The following CELSR1 variants were observed in gnomAD, a reference collection of about 807,000 sequenced individuals.
CELSR1 encodes the protein cadherin EGF LAG seven-pass G-type receptor 1.
Under a neutral mutation model 249.1 loss-of-function variants are expected in CELSR1, and 110 were observed. That is an observed-to-expected ratio of 0.44 (90% CI 0.38 to 0.52). The LOEUF is 0.52. CELSR1 is among the 20% of genes least tolerant of loss of function. CELSR1 has a pLI of 0.00. For synonymous variants in CELSR1, 2,113 were observed against 1,900.0 expected (o/e 1.11, Z -2.92); for missense variants, 4,109 against 4,296.4 (o/e 0.96, Z 1.22).
rs1372602838 is a variant in CELSR1, at chr22:46,490,347, C to T, written c.3545-26002G>A. On this transcript the variant is annotated intron_variant, in intron 1 of 34. Coordinates refer to ENST00000674500, the MANE Select transcript of CELSR1 (RefSeq NM_001378328.1). The surrounding 1 kb of genome is among the most constrained non-coding windows in gnomAD (Gnocchi z 5.2). ...TGCCACCCAGGCTGGAGTACAGCGG[C>T]GCAATCTTGGCTCACTCCAACCTCC... Among the ~76,000 whole-genome samples, 3 of 152,086 alleles carry T rather than the reference C, an allele frequency of 2.0e-5. No homozygotes were observed. The highest frequency in any genetic ancestry group is 1.9e-4 in the East Asian group (1 of 5,184).
chr22:46,464,367 G>C lies in CELSR1; in HGVS notation c.3545-22C>G. The C allele has an allele frequency of 6.3e-7, 1 of 1,598,492 alleles. No homozygotes were observed. Among genetic ancestry groups the C allele is most frequent in the African/African-American group, 1.3e-5 (1 of 74,788 alleles). On this transcript the variant is annotated intron_variant, in intron 1 of 34. Transcript: ENST00000674500. The surrounding 1 kb of genome is among the most constrained non-coding windows in gnomAD (Gnocchi z 8.5). ...CCATCTGCAGACACAAGGAAAGTCAGGGTCATTCAGATGCTGCGGGAGTCA... is the reference window on the plus strand; with the variant it reads ...CCATCTGCAGACACAAGGAAAGTCACGGTCATTCAGATGCTGCGGGAGTCA...
intron 5 of CELSR1, among the ~76,000 whole-genome samples, chr22:46,415,849 C>T (rs1252914554): frequency 6.6e-6 from 1 of 152,172 alleles, no homozygotes; most frequent in Non-Finnish European, 1.5e-5. Flanking sequence ...ACACAGGCGG[C>T]TTGAATAGGG....
chr22:46,378,645 G>A lies in CELSR1; in HGVS notation c.7329C>T (p.Cys2443=), dbSNP rs1419179158. 3 of 1,606,542 alleles carry A rather than the reference G, an allele frequency of 1.9e-6. No homozygotes were observed. The highest frequency in any genetic ancestry group is 2.5e-6 in the Non-Finnish European group (3 of 1,177,770). ...LLSRNRTHVA[C]QCSHTASFAV... The stretch of plus-strand genomic sequence containing the variant: ...CAAAGCTGGCTGTGTGGCTGCACTG[G>A]CAGGCGACATGTGTCCGGTTCCTGG... Residue 2443 remains cysteine, a synonymous_variant, in exon 23 of 35, where the codon TGC becomes TGT. Transcript: ENST00000674500.
chr22:46,452,005 C>T (rs2079891211), intron 2 of CELSR1, among the ~76,000 whole-genome samples: 1 of 152,154 alleles, frequency 6.6e-6, no homozygotes, highest in African/African-American at 2.4e-5. Context: ...AGCCACCAGG[C>T]GCCGGGGAGG....
chr22:46,526,915 A>G lies in CELSR1; in HGVS notation c.3544+6712T>C, dbSNP rs1454413996. Among the ~76,000 whole-genome samples, 1 of 152,170 alleles carries G rather than the reference A, an allele frequency of 6.6e-6. No individual in the cohort carries two copies. Among genetic ancestry groups the G allele is most frequent in the African/African-American group, 2.4e-5 (1 of 41,434 alleles). ...AAAAATGGCCTCACGTCTTCTCACCAAAGCCGATTCCCGGTAAGGACTCTG... is the reference window on the plus strand; with the variant it reads ...AAAAATGGCCTCACGTCTTCTCACCGAAGCCGATTCCCGGTAAGGACTCTG... On this transcript the variant is annotated intron_variant, in intron 1 of 34. Transcript: ENST00000674500. The surrounding 1 kb of genome is among the most constrained non-coding windows in gnomAD (Gnocchi z 4.7).
rs76794288 is a variant in CELSR1 at position 46,429,764 on chromosome 22, G to T, written c.4611+3629C>A. 9.2e-3 allele frequency among the ~76,000 whole-genome samples: 1,408 copies of T among 152,264 alleles called. 19 individuals are homozygous for T. The highest frequency in any genetic ancestry group is 0.032 in the African/African-American group (1,331 of 41,550). Reference sequence around the variant, plus strand: ...TGGTTAGCTGTGCCCCTCCTGGGTGGTCCGCAGCCCTCTCCTGTGGCTTCT... The same window carrying T: ...TGGTTAGCTGTGCCCCTCCTGGGTGTTCCGCAGCCCTCTCCTGTGGCTTCT... On this transcript the variant is annotated intron_variant, in intron 5 of 34. Coordinates refer to ENST00000674500, the MANE Select transcript of CELSR1 (RefSeq NM_001378328.1). This position sits in a 1 kb window ranked among gnomAD's most constrained non-coding sequence, Gnocchi z 4.1.
At chr22:46,519,032 C>CAA (rs981048240) in intron 1 of CELSR1, among the ~76,000 whole-genome samples, 10 of 140,050 alleles carry the variant, frequency 7.1e-5, no homozygotes, top group African/African-American at 1.6e-4. Context: ...GACTCTGTAT[C>CAA]AAAAAAAAAA....
At chr22:46,414,138 A>G (rs2079369322) in intron 5 of CELSR1, among the ~76,000 whole-genome samples, 2 of 152,186 alleles carry the variant, frequency 1.3e-5, no homozygotes, top group African/African-American at 4.8e-5. Flanking sequence ...GACTCATGTG[A>G]GACACCCACT....
intron 18 of CELSR1, 127 bp from the exon 19 acceptor site, chr22:46,386,712 G>T: frequency 1.4e-6 from 1 of 707,062 alleles, no homozygotes; most frequent in Non-Finnish European, 2.2e-6. Context: ...CTACACTTTA[G>T]ACTGTGCTCT....
In CELSR1 at chr22:46,535,344, G is replaced by A; in HGVS notation, c.1827C>T (p.Ser609=). 1.2e-6 allele frequency: 2 copies of A among 1,612,448 alleles called. No homozygotes were observed. The highest frequency in any genetic ancestry group is 1.7e-6 in the Non-Finnish European group (2 of 1,179,964). The change falls in exon 1 of 35, where the codon TCC becomes TCT. Residue 609 remains serine (S), a synonymous_variant. Coordinates refer to ENST00000674500, the MANE Select transcript of CELSR1 (RefSeq NM_001378328.1). The part of the protein sequence containing the change: ...RLHYRLVDTA[S]TFLGGGSAGP... ...CAGCGCTGCCGCCCCCCAGAAAGGTGGAGGCCGTGTCCACCAGGCGATAGT... is the reference window on the plus strand; with the variant it reads ...CAGCGCTGCCGCCCCCCAGAAAGGTAGAGGCCGTGTCCACCAGGCGATAGT...
intron 1 of CELSR1, among the ~76,000 whole-genome samples, chr22:46,499,503 T>C (rs1213233204): frequency 1.3e-5 from 2 of 152,222 alleles, no homozygotes; most frequent in African/African-American, 4.8e-5. Context: ...AAGCACTTTT[T>C]TGGGACAATT....
intron 14 of CELSR1, among the ~76,000 whole-genome samples, chr22:46,392,574 TGA>T (rs761056458): frequency 7.2e-5 from 11 of 152,214 alleles, no homozygotes; most frequent in Non-Finnish European, 1.3e-4. Context: ...TTTATTTTTT[TGA>T]GATGGGGTCT....
At chr22:46,382,908 G>C (rs1602052568) in intron 20 of CELSR1, among the ~76,000 whole-genome samples, 1 of 152,194 alleles carries the variant, frequency 6.6e-6, no homozygotes, top group Non-Finnish European at 1.5e-5. Context: ...TTAGTGTTTC[G>C]TGGGCTAGAG....
chr22:46,536,227 G>T lies in CELSR1; in HGVS notation c.944C>A (p.Thr315Asn). 1.2e-6 allele frequency: 2 copies of T among 1,612,478 alleles called. No individual in the cohort carries two copies. The highest frequency in any genetic ancestry group is 1.1e-5 in the South Asian group (1 of 91,074). The change falls in exon 1 of 35, where the codon ACC (threonine) becomes AAC (asparagine). Residue 315 changes from threonine (T) to asparagine (N), a missense_variant. Thr to Asn is a moderately conservative substitution (Grantham distance 65). Around this residue, in one of 7 missense-constraint regions of CELSR1, gnomAD observed 673 missense variants for 636.8 expected, o/e 1.06. Transcript: ENST00000674500. ...CACCCTGAGGACGTGCGTCTCCTTGGTCTCGCGGTCCAGTACGCTGTCCGT... is the reference window on the plus strand; with the variant it reads ...CACCCTGAGGACGTGCGTCTCCTTGTTCTCGCGGTCCAGTACGCTGTCCGT... Reference protein sequence around the residue: ...VSTDSVLDRETKETHVLRVKA... With the variant: ...VSTDSVLDRENKETHVLRVKA...
intron 2 of CELSR1, among the ~76,000 whole-genome samples, chr22:46,443,084 C>T (rs1347375625): frequency 1.3e-5 from 2 of 149,736 alleles, no homozygotes; most frequent in Non-Finnish European, 3.0e-5. Flanking sequence ...GGGGACAGAG[C>T]GAGACTCCGT....
Position 46,434,935 on chromosome 22 carries a change from C to T in CELSR1, c.4522+1239G>A, listed in dbSNP as rs937327454. Among the ~76,000 whole-genome samples the T allele has an allele frequency of 2.6e-5, 4 of 151,586 alleles. No individual in the cohort carries two copies. Among genetic ancestry groups the T allele is most frequent in the African/African-American group, 7.3e-5 (3 of 41,214 alleles). On this transcript the variant is annotated intron_variant, in intron 4 of 34. Coordinates refer to ENST00000674500, the MANE Select transcript of CELSR1 (RefSeq NM_001378328.1). This position sits in a 1 kb window ranked among gnomAD's most constrained non-coding sequence, Gnocchi z 4.9. ...TCGCTTGAACCTGGGAGGTGGAGGT[C>T]GCAGTGAGCCAATATTGCACCACTG... is the stretch of plus-strand genomic sequence containing the variant.
intron 1 of CELSR1, among the ~76,000 whole-genome samples, chr22:46,482,249 C>G (rs1306319434): frequency 6.6e-6 from 1 of 152,206 alleles, no homozygotes; most frequent in African/African-American, 2.4e-5. Flanking sequence ...CCTGGAGGAT[C>G]TGGGTGGCCA....
chr22:46,418,780 C>A (rs1486640277), intron 5 of CELSR1, among the ~76,000 whole-genome samples: 3 of 152,226 alleles, frequency 2.0e-5, no homozygotes, highest in African/African-American at 7.2e-5. Context: ...CAACCGGTCA[C>A]CTAGAGATTC....
intron 5 of CELSR1, among the ~76,000 whole-genome samples, chr22:46,425,644 ATTTGTCTTCTCT>A (rs2147399373): frequency 1.3e-5 from 2 of 152,218 alleles, no homozygotes; most frequent in South Asian, 4.1e-4. Context: ...GATATTGGCA[ATTTGTCTTCTCT>A]TTTCCTTATC....
Sources: allele counts gnomAD v4.1 joint callset (sites outside exome capture counted in the v4.1 genomes callset), GRCh38; gene constraint gnomAD v4.1.1; regional missense constraint gnomAD v4.1.1; non-coding constraint Gnocchi (gnomAD v3.1); transcripts MANE v1.5; gene names NCBI Gene and HGNC (gene_info 2026-07-23, HGNC 2026-07-21).